HMCN1: variants seen among roughly 807,000 people sequenced by gnomAD.
HMCN1 encodes hemicentin-1.
In HMCN1, 321 loss-of-function variants were observed where a neutral mutation model predicts 625.9. The ratio of observed to expected loss-of-function variants is 0.51; its 90% CI spans 0.47 to 0.56. HMCN1 has a LOEUF of 0.56. HMCN1 is among the 20% of genes least tolerant of loss of function. HMCN1 has a pLI of 0.00. For synonymous variants in HMCN1, 2,425 were observed against 2,417.6 expected, an observed-to-expected ratio of 1.00 and a Z score of -0.09; for missense variants, 6,588 against 6,887.3, an observed-to-expected ratio of 0.96 and a Z score of 1.54.
chr1:186,024,504 T>C (rs185940139), intron 36 of HMCN1, among the ~76,000 whole-genome samples: 1 of 152,276 alleles, frequency 6.6e-6, no homozygotes, highest in East Asian at 1.9e-4. Flanking sequence ...TCTCTGTTAC[T>C]GGCTAAGAGG....
In HMCN1 at chr1:185,933,558, C is replaced by G. The variant is rs750199952; in HGVS notation, c.1562C>G (p.Pro521Arg). ...QTFFDVSEPP[P>R]VIQVPNNVTV... ...TTTTGATTTCACACAGAGCCCCCTC[C>G]GGTCATCCAAGTGCCTAACAATGTT... Residue 521 changes from proline to arginine, a missense_variant, in exon 11 of 107, where the codon CCG (proline) becomes CGG (arginine). By Grantham distance (103) the Pro-to-Arg change is moderately radical. This residue lies in a region of HMCN1 where 4,628 missense variants were observed against 4,853.1 expected (regional missense o/e 0.95). Coordinates refer to ENST00000271588, the MANE Select transcript of HMCN1 (RefSeq NM_031935.3). The G allele has an allele frequency of 6.2e-7, 1 of 1,613,878 alleles. No homozygotes were observed.
At chr1:186,117,816 A>G (rs961556338) in intron 77 of HMCN1, among the ~76,000 whole-genome samples, 193 bp downstream of exon 77, 1 of 152,196 alleles carries the variant, frequency 6.6e-6, no homozygotes, top group Admixed American at 6.5e-5. Context: ...AGAGAAAAAA[A>G]TTAGTCTGGA....
At chr1:186,028,537 G>A (rs868299659) in intron 36 of HMCN1, among the ~76,000 whole-genome samples, 6 of 152,112 alleles carry the variant, frequency 3.9e-5, no homozygotes, top group Middle Eastern at 3.4e-3. Context: ...GAACCATTAC[G>A]TGCTTTGCAG....
intron 11 of HMCN1, among the ~76,000 whole-genome samples, chr1:185,946,133 G>C (rs1239064293): frequency 6.6e-6 from 1 of 152,212 alleles, no homozygotes; most frequent in Non-Finnish European, 1.5e-5. Context: ...ACCTCAGACT[G>C]AACTTCCAAG....
At chr1:186,001,462 TG>T (rs1461765692) in intron 27 of HMCN1, 34 bp downstream of exon 27, 1 of 1,609,722 alleles carries the variant, frequency 6.2e-7, no homozygotes, top group Non-Finnish European at 8.5e-7. Flanking sequence ...TGTAATTCCT[TG>T]CCTCTGCATC....
chr1:185,817,489 C>T (rs1659916471), intron 1 of HMCN1, among the ~76,000 whole-genome samples: 1 of 152,010 alleles, frequency 6.6e-6, no homozygotes, highest in Non-Finnish European at 1.5e-5. Flanking sequence ...AAGAGAAAGG[C>T]TGAGGCCAGT....
At chr1:186,180,064 A>C (rs1453479692) in intron 104 of HMCN1, among the ~76,000 whole-genome samples, 2 of 152,190 alleles carry the variant, frequency 1.3e-5, no homozygotes, top group Admixed American at 6.6e-5. Context: ...TTCTACCACC[A>C]AACATTAATG....
intron 50 of HMCN1, among the ~76,000 whole-genome samples, chr1:186,068,401 T>C (rs956403014): frequency 1.3e-5 from 2 of 152,098 alleles, no homozygotes; most frequent in African/African-American, 4.8e-5. Flanking sequence ...TGCATGGAAA[T>C]AGATAATGCA....
In HMCN1 at chr1:185,963,744, A is replaced by G. The variant is rs778980970; in HGVS notation, c.1971-24A>G. ...ACTATTGTGGCATTTTCAATTTTAT[A>G]TTCTTTTTGTTTTTTATTCATAGGT... On this transcript the variant is annotated intron_variant, in intron 12 of 106. Transcript: ENST00000271588. 3.9e-6 allele frequency: 6 copies of G among 1,527,468 alleles called. No individual in the cohort carries two copies. In the African/African-American group the frequency reaches 6.8e-5, roughly 17 times the overall value. The allele number at this position is 1,527,468 out of a possible 1,614,324, so 94.6% of individuals were successfully genotyped here. A position where few individuals can be genotyped will look rare whatever the true frequency, so the allele number is the denominator to read the frequency against.
intron 97 of HMCN1, among the ~76,000 whole-genome samples, chr1:186,162,939 C>G (rs927917448): frequency 2.6e-5 from 4 of 152,206 alleles, no homozygotes; most frequent in African/African-American, 9.6e-5. Flanking sequence ...CTCTTCAAAG[C>G]TGTCAGACAG....
intron 2 of HMCN1, among the ~76,000 whole-genome samples, chr1:185,862,137 T>C (rs1662911147): frequency 6.6e-6 from 1 of 152,036 alleles, no homozygotes; most frequent in Non-Finnish European, 1.5e-5. Context: ...AAAAAAAGAA[T>C]CTCAGCTTAA....
At chr1:185,999,609 T>C (rs1361211706) in intron 25 of HMCN1, among the ~76,000 whole-genome samples, 3 of 152,146 alleles carry the variant, frequency 2.0e-5, no homozygotes, top group African/African-American at 7.2e-5. Flanking sequence ...CGTGTCTCCA[T>C]ATCATATATA....
chr1:186,148,717 G>A (rs1650483466), intron 93 of HMCN1, among the ~76,000 whole-genome samples: 1 of 152,030 alleles, frequency 6.6e-6, no homozygotes, highest in Admixed American at 6.6e-5. Context: ...ATGTTGGCCA[G>A]GCTGGTCTTG....
intron 1 of HMCN1, among the ~76,000 whole-genome samples, chr1:185,818,390 T>C (rs61002359): frequency 0.058 from 8,895 of 152,252 alleles, 882 homozygotes; most frequent in African/African-American, 0.2. Flanking sequence ...TGTAAGTGTT[T>C]GGAGATTATT....
intron 28 of HMCN1, among the ~76,000 whole-genome samples, chr1:186,002,428 A>G (rs2102070815): frequency 6.6e-6 from 1 of 152,238 alleles, no homozygotes; most frequent in East Asian, 1.9e-4. Flanking sequence ...GAGGAATGAT[A>G]CTGCATAAAA....
intron 19 of HMCN1, among the ~76,000 whole-genome samples, chr1:185,985,334 AC>A (rs1320472231): frequency 6.6e-6 from 1 of 152,208 alleles, no homozygotes; most frequent in Non-Finnish European, 1.5e-5. Context: ...TTTCAAGAAG[AC>A]CAGACCATAG....
At position 186,145,463 on chromosome 1, in the gene HMCN1, G is replaced by A; in HGVS notation, c.14327G>A (p.Gly4776Glu). 1 of 1,609,674 alleles carries A rather than the reference G, an allele frequency of 6.2e-7. No homozygotes were observed. Among genetic ancestry groups the A allele is most frequent in the Non-Finnish European group, 8.5e-7 (1 of 1,177,194 alleles). The change falls in exon 92 of 107, where the codon GGG becomes GAG. Residue 4776 changes from glycine to glutamate, a missense_variant. Coordinates refer to ENST00000271588, the MANE Select transcript of HMCN1 (RefSeq NM_031935.3). ...ACATGCAGCCGGACGTGTAACGGAGGGCAGATGCGGCGGTACCGCACATGT... is the reference window on the plus strand; with the variant it reads ...ACATGCAGCCGGACGTGTAACGGAGAGCAGATGCGGCGGTACCGCACATGT... The part of the protein sequence containing the change: ...WGTCSRTCNG[G>E]QMRRYRTCDN...
At chr1:185,928,484 C>A (rs1328831728) in intron 9 of HMCN1, 62 bp from the exon 10 acceptor site, 56 of 1,345,978 alleles carry the variant, frequency 4.2e-5, no homozygotes, top group Non-Finnish European at 5.7e-5. Context: ...AATAGTTAAT[C>A]ATTGCTTTCA....
At chr1:185,911,588 C>T in intron 5 of HMCN1, 86 bp from the exon 6 acceptor site, 1 of 980,286 alleles carries the variant, frequency 1.0e-6, no homozygotes, top group East Asian at 2.4e-5. Flanking sequence ...TTTGATCATG[C>T]TCTTAGTTTT....
Sources: allele counts gnomAD v4.1 joint callset (sites outside exome capture counted in the v4.1 genomes callset), GRCh38; gene constraint gnomAD v4.1.1; regional missense constraint gnomAD v4.1.1; transcripts MANE v1.5; gene names NCBI Gene and HGNC (gene_info 2026-07-23, HGNC 2026-07-21).